The following CACNA1E variants were observed in gnomAD, a reference collection of about 807,000 sequenced individuals.
CACNA1E encodes calcium voltage-gated channel subunit alpha1 E.
CACNA1E carries 40 observed loss-of-function variants against 259.2 expected under a neutral mutation model. That is an observed-to-expected ratio of 0.15 (90% CI 0.12 to 0.20). The LOEUF is 0.20. CACNA1E is among the 10% of genes least tolerant of loss of function. CACNA1E has a pLI of 1.00. For synonymous variants in CACNA1E, 1,104 were observed against 1,138.5 expected, an observed-to-expected ratio of 0.97 and a Z score of 0.61; for missense variants, 1,874 against 3,040.1, an observed-to-expected ratio of 0.62 and a Z score of 9.02.
At chr1:181,337,341 A>G (rs1271792970) in intron 1 of CACNA1E, among the ~76,000 whole-genome samples, 2 of 143,452 alleles carry the variant, frequency 1.4e-5, no homozygotes, top group African/African-American at 2.5e-5. Flanking sequence ...ATTTTTTTTT[A>G]GTAGAGGCAG....
chr1:181,406,459 C>T (rs946805425), intron 1 of CACNA1E, among the ~76,000 whole-genome samples: 9 of 151,948 alleles, frequency 5.9e-5, no homozygotes, highest in Admixed American at 2.0e-4. Flanking sequence ...TGAAGTGGCG[C>T]GATCTCGGCT....
intron 28 of CACNA1E, 77 bp downstream of exon 28, chr1:181,755,474 C>T: frequency 4.6e-6 from 5 of 1,098,064 alleles, no homozygotes; most frequent in Non-Finnish European, 5.4e-6. Context: ...CACAGGTCCA[C>T]CCTCCCTCCT....
At position 181,758,144 on chromosome 1, in the gene CACNA1E, C is replaced by T; in HGVS notation, c.4494+33C>T. ...GAGAGAGGCACAAGAGCCGACTGAG[C>T]CCCAGCGATGGTTCCCTCCCAGGGC... On this transcript the variant is annotated intron_variant, in intron 31 of 47. Coordinates refer to ENST00000367573, the MANE Select transcript of CACNA1E (RefSeq NM_001205293.3). This position sits in a 1 kb window ranked among gnomAD's most constrained non-coding sequence, Gnocchi z 4.2. The T allele has an allele frequency of 6.3e-7, 1 of 1,598,142 alleles. No individual in the cohort carries two copies. The highest frequency in any genetic ancestry group is 8.6e-7 in the Non-Finnish European group (1 of 1,168,912).
chr1:181,718,457 GCCAGAGTTTTGAA>G (rs1654110046), intron 12 of CACNA1E, among the ~76,000 whole-genome samples: 1 of 152,006 alleles, frequency 6.6e-6, no homozygotes, highest in Non-Finnish European at 1.5e-5. Context: ...GCTACCCATA[GCCAGAGTTTTGAA>G]CCACTTATTA....
intron 1 of CACNA1E, among the ~76,000 whole-genome samples, chr1:181,489,764 A>G (rs1664153682): frequency 6.6e-6 from 1 of 152,192 alleles, no homozygotes; most frequent in African/African-American, 2.4e-5. Flanking sequence ...GTGAATTTTT[A>G]CAGGAATTAC....
intron 6 of CACNA1E, among the ~76,000 whole-genome samples, chr1:181,617,757 G>T (rs1655354472): frequency 6.6e-6 from 1 of 152,140 alleles, no homozygotes; most frequent in African/African-American, 2.4e-5. Flanking sequence ...TTACAAAAGA[G>T]CCCAAATGAC....
In CACNA1E at chr1:181,758,848, G is replaced by A. The variant is rs1188900044; in HGVS notation, c.4585G>A (p.Val1529Ile). The change falls in exon 32 of 48, where the codon GTC becomes ATC. Residue 1529 changes from valine to isoleucine, a missense_variant. Physicochemically the swap from Val to Ile is conservative, Grantham distance 29. Coordinates refer to ENST00000367573, the MANE Select transcript of CACNA1E (RefSeq NM_001205293.3). This position sits in a 1 kb window ranked among gnomAD's most constrained non-coding sequence, Gnocchi z 4.2. ...GTTTTCCCTGGAATGTGTCCTGAAGGTCATCGCTTTTGGCTTTTTGGTATG... is the reference window on the plus strand; with the variant it reads ...GTTTTCCCTGGAATGTGTCCTGAAGATCATCGCTTTTGGCTTTTTGGTATG... ...MVFSLECVLKVIAFGFLNYFR... is the reference protein window; with the variant it reads ...MVFSLECVLKIIAFGFLNYFR... The A allele has an allele frequency of 6.2e-7, 1 of 1,609,610 alleles. No homozygotes were observed. The highest frequency in any genetic ancestry group is 1.7e-5 in the Admixed American group (1 of 59,984).
chr1:181,471,743 AGTTT>A (rs1419192572), intron 2 of CACNA1E, among the ~76,000 whole-genome samples: 1 of 152,172 alleles, frequency 6.6e-6, no homozygotes, highest in African/African-American at 2.4e-5. Context: ...TTTGGAAATA[AGTTT>A]GTTTTTTTAC....
At chr1:181,731,702 C>T (rs10797739) in intron 19 of CACNA1E, among the ~76,000 whole-genome samples, 115,220 of 151,990 alleles carry the variant, frequency 0.76, 45,404 homozygotes, top group South Asian at 0.89. Context: ...CATGATTTCC[C>T]GCTGCCCCAT....
At chr1:181,592,010 T>A (rs189925651) in intron 6 of CACNA1E, among the ~76,000 whole-genome samples, 1 of 152,330 alleles carries the variant, frequency 6.6e-6, no homozygotes, top group Admixed American at 6.5e-5. Context: ...CTTTACACTT[T>A]CCATTTGCAT....
chr1:181,468,355 T>C (rs1418670788), intron 2 of CACNA1E, among the ~76,000 whole-genome samples: 1 of 152,216 alleles, frequency 6.6e-6, no homozygotes, highest in African/African-American at 2.4e-5. Context: ...TTCCTTGAGC[T>C]GAACTGATTG....
At chr1:181,513,746 T>C (rs968958277) in intron 3 of CACNA1E, among the ~76,000 whole-genome samples, 3 of 152,186 alleles carry the variant, frequency 2.0e-5, no homozygotes, top group Non-Finnish European at 4.4e-5. Context: ...GGTTCTTTTG[T>C]CAGCGAAGCC....
intron 1 of CACNA1E, 52 bp downstream of exon 1, chr1:181,484,062 G>A: frequency 1.9e-6 from 3 of 1,553,602 alleles, no homozygotes; most frequent in Middle Eastern, 1.7e-4. Context: ...ATTTCTTCGG[G>A]TGAAGGGGGG....
chr1:181,501,467 A>G (rs1665243951), intron 1 of CACNA1E, among the ~76,000 whole-genome samples: 1 of 152,214 alleles, frequency 6.6e-6, no homozygotes, highest in South Asian at 2.1e-4. Context: ...TCTTTGGTCT[A>G]AAGTAATGAG....
chr1:181,324,228 G>T (rs1007061808), intron 1 of CACNA1E, among the ~76,000 whole-genome samples: 2 of 152,180 alleles, frequency 1.3e-5, no homozygotes, highest in African/African-American at 4.8e-5. Context: ...TAGGAAGAGA[G>T]AAACCATACA....
Position 181,567,964 on chromosome 1 carries a change from T to TAC in CACNA1E, c.513-9790_513-9789dup, listed in dbSNP as rs1444411239. On this transcript the variant is annotated intron_variant, in intron 3 of 47. Transcript: ENST00000367573. ...GTATATATATATACACACATATATA[T>TAC]ACACACACACACATCTGGCTTGTGA... 9.9e-5 allele frequency among the ~76,000 whole-genome samples: 15 copies of TAC among 151,726 alleles called. No individual in the cohort carries two copies. In the South Asian group the frequency reaches 1.7e-3, roughly 17 times the overall value.
intron 1 of CACNA1E, among the ~76,000 whole-genome samples, chr1:181,380,826 G>T (rs1655406048): frequency 6.6e-6 from 1 of 152,150 alleles, no homozygotes; most frequent in Admixed American, 6.5e-5. Flanking sequence ...CCTACAAAAT[G>T]ATATAACCAT....
At chr1:181,504,388 G>T (rs894420696) in intron 1 of CACNA1E, among the ~76,000 whole-genome samples, 3 of 152,192 alleles carry the variant, frequency 2.0e-5, no homozygotes, top group Non-Finnish European at 2.9e-5. Context: ...CTATCTGCCT[G>T]CCTGTCAGAG....
intron 17 of CACNA1E, 29 bp downstream of exon 17, chr1:181,724,566 T>C: frequency 6.3e-7 from 1 of 1,577,724 alleles, no homozygotes; most frequent in East Asian, 2.3e-5. Flanking sequence ...GGATCTGATG[T>C]TTCTCTAGTG....
Sources: allele counts gnomAD v4.1 joint callset (sites outside exome capture counted in the v4.1 genomes callset), GRCh38; gene constraint gnomAD v4.1.1; non-coding constraint Gnocchi (gnomAD v3.1); transcripts MANE v1.5; gene names NCBI Gene and HGNC (gene_info 2026-07-23, HGNC 2026-07-21).